Variants in PTPRG observed in about 807,000 individuals in gnomAD.
PTPRG encodes the protein protein tyrosine phosphatase receptor type G.
Under a neutral mutation model 165.3 loss-of-function variants are expected in PTPRG, and 102 were observed. That is an observed-to-expected ratio of 0.62 (90% CI 0.53 to 0.73). PTPRG has a LOEUF of 0.73. Among genes scored for constraint, PTPRG ranks in the 30% least tolerant of loss-of-function variants. The pLI is 0.00. For missense variants in PTPRG, 1,866 were observed against 1,861.4 expected (o/e 1.00, Z -0.05); for synonymous variants, 675 against 669.5 (o/e 1.01, Z -0.13).
rs1046242225 is a variant in PTPRG, at chr3:62,013,483, G to A, written c.519+9986G>A. On this transcript the variant is annotated intron_variant, in intron 4 of 29. Coordinates refer to ENST00000474889, the MANE Select transcript of PTPRG (RefSeq NM_002841.4). The stretch of plus-strand genomic sequence containing the variant: ...GGTATGTACAGTGAACAAATCTGAA[G>A]AACTAATGTACAGCAGAGGGACTAT... 4.6e-5 allele frequency among the ~76,000 whole-genome samples: 7 copies of A among 152,300 alleles called. No individual in the cohort carries two copies. In the East Asian group the frequency reaches 9.7e-4, roughly 21 times the overall value.
chr3:62,212,675 G>A (rs1421840547), intron 12 of PTPRG, among the ~76,000 whole-genome samples: 1 of 152,150 alleles, frequency 6.6e-6, no homozygotes, highest in Non-Finnish European at 1.5e-5. Flanking sequence ...GAGTAGTGAC[G>A]ACTGTGGCAA....
intron 4 of PTPRG, among the ~76,000 whole-genome samples, chr3:62,028,159 C>T (rs1005615281): frequency 3.3e-5 from 5 of 152,076 alleles, no homozygotes; most frequent in African/African-American, 9.7e-5. Flanking sequence ...AAGAAGTTTT[C>T]GGTAGAAAGG....
intron 2 of PTPRG, among the ~76,000 whole-genome samples, chr3:61,763,518 A>G (rs13096438): frequency 1 from 151,333 of 151,340 alleles, 75,663 homozygotes; most frequent in Middle Eastern, 1. Flanking sequence ...GACTCCTGCT[A>G]CCACGCCCAG....
intron 5 of PTPRG, among the ~76,000 whole-genome samples, chr3:62,126,528 C>T (rs750578185): frequency 1.4e-4 from 21 of 152,098 alleles, no homozygotes; most frequent in Admixed American, 3.9e-4. Flanking sequence ...TCTCATTTGC[C>T]GATGGAAACC....
At chr3:62,077,411 C>G (rs1282391974) in intron 4 of PTPRG, among the ~76,000 whole-genome samples, 2 of 152,126 alleles carry the variant, frequency 1.3e-5, no homozygotes, top group African/African-American at 2.4e-5. Context: ...TTCTGAAGCA[C>G]TATTTTCTCA....
At chr3:61,827,271 G>C (rs951416964) in intron 2 of PTPRG, among the ~76,000 whole-genome samples, 4 of 152,150 alleles carry the variant, frequency 2.6e-5, no homozygotes, top group African/African-American at 9.7e-5. Context: ...ACTGGTTTGC[G>C]GCATAACGTA....
intron 1 of PTPRG, among the ~76,000 whole-genome samples, chr3:61,623,789 G>A (rs574628993): frequency 6.6e-6 from 1 of 152,298 alleles, no homozygotes; most frequent in South Asian, 2.1e-4. Flanking sequence ...GTCACATACA[G>A]GGCTACCTGT....
intron 2 of PTPRG, among the ~76,000 whole-genome samples, chr3:61,807,105 T>C (rs538830983): frequency 3.3e-5 from 5 of 152,326 alleles, no homozygotes; most frequent in Non-Finnish European, 7.4e-5. Context: ...GAGAAGCCAT[T>C]CAAATTCCTA....
intron 2 of PTPRG, among the ~76,000 whole-genome samples, chr3:61,869,631 T>G (rs2037508033): frequency 6.7e-6 from 1 of 149,322 alleles, no homozygotes; most frequent in Non-Finnish European, 1.5e-5. Flanking sequence ...CAGGCGGGAG[T>G]GCAGTGGTGC....
intron 8 of PTPRG, among the ~76,000 whole-genome samples, chr3:62,186,107 G>T (rs1162204115): frequency 6.6e-6 from 1 of 152,152 alleles, no homozygotes; most frequent in African/African-American, 2.4e-5. Context: ...TTATTTGACG[G>T]GTGTCTGGTA....
At chr3:62,079,483 C>T (rs1701494788) in intron 5 of PTPRG, among the ~76,000 whole-genome samples, 1 of 152,012 alleles carries the variant, frequency 6.6e-6, no homozygotes, top group Non-Finnish European at 1.5e-5. Flanking sequence ...AGAAAATATC[C>T]GTAAAATATA....
At chr3:62,077,377 A>G (rs1701423273) in intron 4 of PTPRG, among the ~76,000 whole-genome samples, 2 of 152,174 alleles carry the variant, frequency 1.3e-5, no homozygotes, top group African/African-American at 4.8e-5. Flanking sequence ...CTGATGTGTA[A>G]TAGTAGGCAA....
In PTPRG at chr3:62,217,634, A is replaced by AT. The variant is rs1700544121; in HGVS notation, c.2156-1210dup. On this transcript the variant is annotated intron_variant, in intron 12 of 29. Coordinates refer to ENST00000474889, the MANE Select transcript of PTPRG (RefSeq NM_002841.4). This position sits in a 1 kb window ranked among gnomAD's most constrained non-coding sequence, Gnocchi z 4.3. The stretch of plus-strand genomic sequence containing the variant: ...CAAGTCAGCCTGCAGCCAATGTTAG[A>AT]TTTTTTTAAGGGGCTTCTCCCTGTG... 3.9e-5 allele frequency: 6 copies of AT among 152,294 alleles called. No homozygotes were observed. In the South Asian group the frequency reaches 1.2e-3, roughly 32 times the overall value. 9.4% of individuals were successfully genotyped at this position (152,294 alleles called of 1,614,324 possible). A position where few individuals can be genotyped will look rare whatever the true frequency, so the allele number is the denominator to read the frequency against.
chr3:62,191,740 A>C, intron 9 of PTPRG, 87 bp downstream of exon 9: 5 of 1,311,128 alleles, frequency 3.8e-6, no homozygotes, highest in African/African-American at 1.5e-5. Context: ...ACAGTGTGCC[A>C]GCTCTGTGTC....
chr3:62,124,821 G>A (rs978162955), intron 5 of PTPRG, among the ~76,000 whole-genome samples: 6 of 152,162 alleles, frequency 3.9e-5, no homozygotes, highest in African/African-American at 1.4e-4. Context: ...GCCTCCCAAA[G>A]TGCTGGGATT....
At chr3:61,860,364 G>GA (rs5849446) in intron 2 of PTPRG, among the ~76,000 whole-genome samples, 2 of 147,972 alleles carry the variant, frequency 1.4e-5, no homozygotes, top group Admixed American at 1.4e-4. Context: ...TGTTTGATGA[G>GA]AAAAAAAATA....
chr3:62,249,865 T>C (rs114761499), intron 15 of PTPRG, among the ~76,000 whole-genome samples: 2,486 of 152,228 alleles, frequency 0.016, 41 homozygotes, highest in Non-Finnish European at 0.022. Flanking sequence ...GGTAATATAA[T>C]AAGGAAGAAC....
rs1270036479 is a variant in PTPRG, at chr3:62,229,457, CAT to C, written c.2289-1766_2289-1765del. On this transcript the variant is annotated intron_variant, in intron 13 of 29. Coordinates refer to ENST00000474889, the MANE Select transcript of PTPRG (RefSeq NM_002841.4). This position sits in a 1 kb window ranked among gnomAD's most constrained non-coding sequence, Gnocchi z 4.6. Reference sequence around the variant, plus strand: ...TGGAAGCTCTTGGAACAAGCTAACACATAGTCATTAGACAAAAGCGGAAAGAG... The same window carrying C: ...TGGAAGCTCTTGGAACAAGCTAACACAGTCATTAGACAAAAGCGGAAAGAG... Among the ~76,000 whole-genome samples the C allele has an allele frequency of 2.6e-5, 4 of 152,206 alleles. No homozygotes were observed. Among genetic ancestry groups the C allele is most frequent in the African/African-American group, 9.7e-5 (4 of 41,450 alleles).
chr3:62,083,901 A>C (rs533156031), intron 5 of PTPRG, among the ~76,000 whole-genome samples: 6 of 152,304 alleles, frequency 3.9e-5, no homozygotes, highest in Non-Finnish European at 8.8e-5. Flanking sequence ...TCTTTGGTTA[A>C]TTGTGTTTTT....
Sources: gnomAD v4.1 joint callset for allele counts (sites outside exome capture counted in the v4.1 genomes callset) on GRCh38, gnomAD v4.1.1 for gene constraint, Gnocchi (gnomAD v3.1) non-coding constraint, MANE v1.5 for transcripts, NCBI Gene and HGNC (gene_info 2026-07-23, HGNC 2026-07-21) for gene names.